Variants in GRIN3A observed in about 807,000 individuals in gnomAD.
The protein encoded by GRIN3A is glutamate ionotropic receptor NMDA type subunit 3A, also known as glutamate receptor ionotropic, NMDA 3A.
In GRIN3A, 47 loss-of-function variants were observed where a neutral mutation model predicts 92.4. The observed-to-expected ratio is 0.51, with a 90% CI of 0.40 to 0.65. The LOEUF (loss-of-function observed/expected upper bound fraction) is 0.65, where lower values mean the gene tolerates loss of function less well. Among genes scored for constraint, GRIN3A ranks in the 30% least tolerant of loss-of-function variants. The pLI is 0.00. For missense variants in GRIN3A, 1,324 were observed against 1,393.1 expected, an observed-to-expected ratio of 0.95 and a Z score of 0.79; for synonymous variants, 527 against 540.6, an observed-to-expected ratio of 0.97 and a Z score of 0.35.
chr9:101,576,233 C>G (rs1337453315), intron 8 of GRIN3A, among the ~76,000 whole-genome samples: 1 of 152,098 alleles, frequency 6.6e-6, no homozygotes, highest in Non-Finnish European at 1.5e-5. Context: ...TTCCCTGGAG[C>G]AATTATGTAA....
Position 101,628,337 on chromosome 9 carries a change from A to G in GRIN3A, c.2417T>C (p.Val806Ala). The change falls in exon 4 of 9, where the codon GTG becomes GCG. Residue 806 changes from valine to alanine, a missense_variant. Transcript: ENST00000361820. ...ATGCATCTCTGGGAAACTTTGTCTC[A>G]CATAATCTTCAGCACTGCTTTCTCG... is the stretch of plus-strand genomic sequence containing the variant. ...TVRESSAEDYVRQSFPEMHEY... is the reference protein window; with the variant it reads ...TVRESSAEDYARQSFPEMHEY... 1.9e-6 allele frequency: 3 copies of G among 1,613,814 alleles called. No individual in the cohort carries two copies. The highest frequency in any genetic ancestry group is 2.5e-6 in the Non-Finnish European group (3 of 1,179,770).
At chr9:101,577,241 G>A (rs2118781562) in intron 8 of GRIN3A, among the ~76,000 whole-genome samples, 1 of 152,292 alleles carries the variant, frequency 6.6e-6, no homozygotes, top group East Asian at 1.9e-4. Context: ...TCCTAGGAAT[G>A]CTAGAAAGGA....
intron 6 of GRIN3A, among the ~76,000 whole-genome samples, chr9:101,581,414 A>C (rs1827885231): frequency 6.6e-6 from 1 of 152,232 alleles, no homozygotes; most frequent in Non-Finnish European, 1.5e-5. Context: ...TCAAACTCAT[A>C]TGTTTAAACC....
intron 6 of GRIN3A, among the ~76,000 whole-genome samples, chr9:101,591,330 T>A (rs1828021134): frequency 6.6e-6 from 1 of 152,208 alleles, no homozygotes; most frequent in Admixed American, 6.5e-5. Flanking sequence ...AGGCTTGATT[T>A]GATGACATGG....
At chr9:101,616,205 C>A (rs948989839) in intron 5 of GRIN3A, among the ~76,000 whole-genome samples, 2 of 152,088 alleles carry the variant, frequency 1.3e-5, no homozygotes, top group African/African-American at 4.8e-5. Flanking sequence ...TACGCTTGTG[C>A]CTAGTATTGT....
intron 2 of GRIN3A, among the ~76,000 whole-genome samples, chr9:101,680,824 A>C (rs1339222748): frequency 6.6e-6 from 1 of 152,222 alleles, no homozygotes; most frequent in African/African-American, 2.4e-5. Context: ...CGAATTAATC[A>C]CTGACTACTT....
At chr9:101,737,204 C>T (rs946315183) in intron 1 of GRIN3A, 77 bp downstream of exon 1, 11 of 1,189,318 alleles carry the variant, frequency 9.2e-6, no homozygotes, top group South Asian at 3.7e-5. Flanking sequence ...TTTACCAAGC[C>T]GTTTTCTCTC....
At chr9:101,668,105 T>A (rs1432263466) in intron 3 of GRIN3A, among the ~76,000 whole-genome samples, 1 of 152,120 alleles carries the variant, frequency 6.6e-6, no homozygotes, top group Non-Finnish European at 1.5e-5. Context: ...TATTAAAAAA[T>A]TTCACTCTTT....
chr9:101,571,853 A>G lies in GRIN3A; in HGVS notation c.*1321T>C, dbSNP rs1827764257. The G allele has an allele frequency of 6.6e-6, 1 of 152,304 alleles. No individual in the cohort carries two copies. Among genetic ancestry groups the G allele is most frequent in the East Asian group, 1.9e-4 (1 of 5,186 alleles). 9.4% of individuals were successfully genotyped at this position (152,304 alleles called of 1,614,324 possible). A position where few individuals can be genotyped will look rare whatever the true frequency, so the allele number is the denominator to read the frequency against. On this transcript the variant is annotated 3_prime_UTR_variant, in exon 9 of 9. Coordinates refer to ENST00000361820, the MANE Select transcript of GRIN3A (RefSeq NM_133445.3). Reference sequence around the variant, plus strand: ...ATAATCTCTGGAGAAGGGTCTTGGCAATCCGCACTCTGATGAGTTCTCTAC... The same window carrying G: ...ATAATCTCTGGAGAAGGGTCTTGGCGATCCGCACTCTGATGAGTTCTCTAC...
At chr9:101,638,755 G>T (rs1045002428) in intron 3 of GRIN3A, among the ~76,000 whole-genome samples, 6 of 152,202 alleles carry the variant, frequency 3.9e-5, no homozygotes, top group African/African-American at 1.2e-4. Flanking sequence ...GGCAGAGCTG[G>T]TTCTATCGTA....
intron 6 of GRIN3A, among the ~76,000 whole-genome samples, chr9:101,610,584 T>G (rs564947433): frequency 4.5e-5 from 6 of 134,610 alleles, no homozygotes; most frequent in African/African-American, 1.6e-4. Flanking sequence ...CATCTATCTA[T>G]CTATCTATCT....
Position 101,670,769 on chromosome 9 carries a change from G to A in GRIN3A, c.1643C>T (p.Thr548Ile), listed in dbSNP as rs757531020. Residue 548 changes from threonine (T) to isoleucine (I), a missense_variant, in exon 3 of 9, where the codon ACT (threonine) becomes ATT (isoleucine). By Grantham distance (89) the Thr-to-Ile change is moderately conservative. Transcript: ENST00000361820. ...GCTGTCCAATGTGGAAGAGTCATTA[G>A]TCATGGGGTCTAGACAGAGTTGGCC... ...PAGQLCLDPM[T>I]NDSSTLDSLF... 1.9e-5 allele frequency: 31 copies of A among 1,613,942 alleles called. No homozygotes were observed. The highest frequency in any genetic ancestry group is 2.3e-5 in the Non-Finnish European group (27 of 1,179,958).
intron 6 of GRIN3A, among the ~76,000 whole-genome samples, chr9:101,588,209 C>A (rs549523554): frequency 6.6e-6 from 1 of 152,274 alleles, no homozygotes; most frequent in African/African-American, 2.4e-5. Flanking sequence ...AAAAAAGATT[C>A]ATTCAGAGAA....
At chr9:101,706,400 C>T (rs1274753648) in intron 1 of GRIN3A, among the ~76,000 whole-genome samples, 1 of 152,178 alleles carries the variant, frequency 6.6e-6, no homozygotes. Flanking sequence ...TCAGGAGGAA[C>T]ATGAATTTCT....
At chr9:101,704,444 G>A (rs973615264) in intron 1 of GRIN3A, among the ~76,000 whole-genome samples, 2 of 152,178 alleles carry the variant, frequency 1.3e-5, no homozygotes, top group African/African-American at 4.8e-5. Context: ...GACATATACA[G>A]ACAATTCTCA....
intron 3 of GRIN3A, among the ~76,000 whole-genome samples, chr9:101,651,636 T>TTGTGTGTGTGTG (rs57126529): frequency 0.012 from 1,729 of 146,012 alleles, 49 homozygotes; most frequent in Admixed American, 0.051. Context: ...AATAAATCCA[T>TTGTGTGTGTGTG]TGTGTGTGTG....
chr9:101,707,075 G>GT (rs1254034731), intron 1 of GRIN3A, among the ~76,000 whole-genome samples: 1 of 152,220 alleles, frequency 6.6e-6, no homozygotes, highest in African/African-American at 2.4e-5. Context: ...AAAGATGCCA[G>GT]TATCTCCCAG....
intron 1 of GRIN3A, among the ~76,000 whole-genome samples, chr9:101,705,745 T>C (rs888814286): frequency 1.4e-4 from 22 of 152,194 alleles, no homozygotes; most frequent in African/African-American, 5.1e-4. Flanking sequence ...TTCACATTCA[T>C]AGAGTGAGAA....
At chr9:101,730,290 G>A (rs1455735066) in intron 1 of GRIN3A, among the ~76,000 whole-genome samples, 1 of 152,124 alleles carries the variant, frequency 6.6e-6, no homozygotes, top group African/African-American at 2.4e-5. Flanking sequence ...GAAGTCCTAA[G>A]CCTGAATATT....
Sources: allele counts gnomAD v4.1 joint callset (sites outside exome capture counted in the v4.1 genomes callset), GRCh38; gene constraint gnomAD v4.1.1; transcripts MANE v1.5; gene names NCBI Gene and HGNC (gene_info 2026-07-23, HGNC 2026-07-21).